The following CCDC141 variants were observed in gnomAD, a reference collection of about 807,000 sequenced individuals.
The protein encoded by CCDC141 is coiled-coil domain containing 141, also known as coiled-coil domain-containing protein 141.
Under a neutral mutation model 181.0 loss-of-function variants are expected in CCDC141, and 168 were observed. That is an observed-to-expected ratio of 0.93 (90% CI 0.82 to 1.05). The LOEUF (loss-of-function observed/expected upper bound fraction) is 1.05. CCDC141 is among the 50% of genes least tolerant of loss of function. CCDC141 has a pLI of 0.00. For synonymous variants in CCDC141, 666 were observed against 642.3 expected (o/e 1.04, Z -0.56); for missense variants, 1,902 against 1,788.5 (o/e 1.06, Z -1.14).
chr2:179,028,898 C>A (rs969109931), intron 2 of CCDC141, among the ~76,000 whole-genome samples: 2 of 152,068 alleles, frequency 1.3e-5, no homozygotes, highest in South Asian at 4.1e-4. Flanking sequence ...TAAAGGCAAC[C>A]TTCGTAAAAC....
At chr2:178,987,484 A>C (rs1691810753) in intron 2 of CCDC141, among the ~76,000 whole-genome samples, 1 of 152,170 alleles carries the variant, frequency 6.6e-6, no homozygotes, top group African/African-American at 2.4e-5. Flanking sequence ...TCATTAAACT[A>C]AAGAGCTTCT....
At chr2:178,963,022 G>A (rs1457736149) in intron 4 of CCDC141, among the ~76,000 whole-genome samples, 1 of 152,144 alleles carries the variant, frequency 6.6e-6, no homozygotes, top group East Asian at 1.9e-4. Context: ...TTGCCACTAG[G>A]CTCCACTGCA....
At position 178,871,546 on chromosome 2, in the gene CCDC141, G is replaced by C; in HGVS notation, c.2086C>G (p.His696Asp). ...AFKEQLKKTS[H>D]NLKLLQEALM... ...GCTTCCTGAAGAAGTTTTAAGTTGT[G>C]AGAAGTCTGAAATAAATATTGGACA... The change falls in exon 14 of 24, where the codon CAC (histidine) becomes GAC (aspartate). Residue 696 changes from histidine (H) to aspartate (D), a missense_variant. Coordinates refer to ENST00000443758, the MANE Select transcript of CCDC141 (RefSeq NM_173648.4). 6.2e-7 allele frequency: 1 copy of C among 1,611,434 alleles called. No homozygotes were observed. The highest frequency in any genetic ancestry group is 8.5e-7 in the Non-Finnish European group (1 of 1,179,292).
intron 2 of CCDC141, among the ~76,000 whole-genome samples, chr2:178,982,607 C>T (rs374502877): frequency 2.4e-4 from 37 of 151,744 alleles, no homozygotes; most frequent in Middle Eastern, 3.4e-3. Context: ...AGTGGGTGCA[C>T]GCACCATGTG....
chr2:178,948,963 G>A (rs1203967776), intron 5 of CCDC141, among the ~76,000 whole-genome samples: 1 of 152,164 alleles, frequency 6.6e-6, no homozygotes, highest in African/African-American at 2.4e-5. Context: ...CTAAGACATT[G>A]GCTACATTCA....
At chr2:178,974,959 T>C (rs777491032) in intron 4 of CCDC141, 98 bp downstream of exon 4, 1 of 539,686 alleles carries the variant, frequency 1.9e-6, no homozygotes, top group Non-Finnish European at 3.2e-6. Flanking sequence ...TAAACATAAA[T>C]AGATCAATTT....
chr2:179,011,148 A>T (rs994417146), intron 2 of CCDC141, among the ~76,000 whole-genome samples: 4 of 151,776 alleles, frequency 2.6e-5, no homozygotes, highest in Non-Finnish European at 5.9e-5. Flanking sequence ...ATAGGGTGAG[A>T]CTCTGTCTCA....
chr2:178,901,001 A>G (rs1575189763), intron 8 of CCDC141, among the ~76,000 whole-genome samples: 1 of 152,132 alleles, frequency 6.6e-6, no homozygotes, highest in East Asian at 1.9e-4. Flanking sequence ...AGGTGGAACT[A>G]AGCAGAGCCT....
In CCDC141 at chr2:179,015,596, A is replaced by G. The variant is rs867155422; in HGVS notation, c.225+31688T>C. On this transcript the variant is annotated intron_variant, in intron 2 of 23. Coordinates refer to ENST00000443758, the MANE Select transcript of CCDC141 (RefSeq NM_173648.4). ...TATATCTCATATATATCTCATATGTATCTCATATATCTCATATAGCTCATA... is the reference window on the plus strand; with the variant it reads ...TATATCTCATATATATCTCATATGTGTCTCATATATCTCATATAGCTCATA... Among the ~76,000 whole-genome samples, 93 of 58,902 alleles carry G rather than the reference A, an allele frequency of 1.6e-3. 3 individuals carry two copies. The highest frequency in any genetic ancestry group is 3.5e-3 in the African/African-American group (86 of 24,528). 38.6% of individuals were successfully genotyped at this position (58,902 alleles called of 152,430 possible).
chr2:178,931,501 G>A (rs1689093498), intron 6 of CCDC141, among the ~76,000 whole-genome samples: 1 of 152,142 alleles, frequency 6.6e-6, no homozygotes, highest in African/African-American at 2.4e-5. Flanking sequence ...TAAAAAGGAA[G>A]TTTTAATACA....
At chr2:178,900,122 A>G (rs1434228381) in intron 8 of CCDC141, among the ~76,000 whole-genome samples, 1 of 152,190 alleles carries the variant, frequency 6.6e-6, no homozygotes, top group Non-Finnish European at 1.5e-5. Context: ...TAATATCTCG[A>G]GGAAACCAAA....
At chr2:179,007,075 AT>A (rs2042140829) in intron 2 of CCDC141, among the ~76,000 whole-genome samples, 1 of 152,188 alleles carries the variant, frequency 6.6e-6, no homozygotes, top group Non-Finnish European at 1.5e-5. Flanking sequence ...TGAAAACATG[AT>A]TGATTCAAGG....
chr2:178,933,361 T>C (rs536688227), intron 6 of CCDC141, among the ~76,000 whole-genome samples: 1 of 152,314 alleles, frequency 6.6e-6, no homozygotes, highest in Admixed American at 6.5e-5. Flanking sequence ...TCTAAGTTGG[T>C]GCCTCTTAAA....
chr2:178,841,398 C>T (rs1169535965), intron 22 of CCDC141, among the ~76,000 whole-genome samples: 1 of 152,154 alleles, frequency 6.6e-6, no homozygotes, highest in Non-Finnish European at 1.5e-5. Context: ...ATTAAATAAT[C>T]ATCTCGGGAA....
At chr2:179,027,464 G>A (rs2154386440) in intron 2 of CCDC141, among the ~76,000 whole-genome samples, 1 of 151,826 alleles carries the variant, frequency 6.6e-6, no homozygotes, top group South Asian at 2.1e-4. Context: ...CTAACACGGT[G>A]AAACCCTGTC....
intron 3 of CCDC141, among the ~76,000 whole-genome samples, chr2:178,978,198 A>C (rs941969903): frequency 6.6e-6 from 1 of 152,216 alleles, no homozygotes; most frequent in African/African-American, 2.4e-5. Context: ...CCTTCTATAG[A>C]GGGAAATAAT....
chr2:178,992,340 C>CTTT (rs34507992), intron 2 of CCDC141, among the ~76,000 whole-genome samples: 143 of 118,590 alleles, frequency 1.2e-3, no homozygotes, highest in African/African-American at 4.4e-3. Context: ...TAAAATAGAC[C>CTTT]TTTTTTTTTT....
intron 6 of CCDC141, among the ~76,000 whole-genome samples, chr2:178,935,165 T>A (rs1432596740): frequency 6.6e-6 from 1 of 152,138 alleles, no homozygotes; most frequent in Non-Finnish European, 1.5e-5. Context: ...AGTGAAGGTT[T>A]GTTACATAGG....
rs1436828277 is a variant in CCDC141 at position 178,834,325 on chromosome 2, C to T, written c.4441G>A (p.Ala1481Thr). The T allele has an allele frequency of 1.2e-5, 18 of 1,535,946 alleles. No homozygotes were observed. The highest frequency in any genetic ancestry group is 1.4e-5 in the Non-Finnish European group (16 of 1,146,848). The stretch of plus-strand genomic sequence containing the variant: ...GCGCCGCTAGAGTTTTGGGCCCGAG[C>T]CACATAGAGGCCTGCGTCTGCCTTG... ...VCKADAGLYV[A>T]RAQNSSGALS... The change falls in exon 24 of 24, where the codon GCT becomes ACT. Residue 1481 changes from alanine (A) to threonine (T), a missense_variant. Physicochemically the swap from Ala to Thr is moderately conservative, Grantham distance 58. Transcript: ENST00000443758.
Sources: gnomAD v4.1 joint callset for allele counts (sites outside exome capture counted in the v4.1 genomes callset) on GRCh38, gnomAD v4.1.1 for gene constraint, MANE v1.5 for transcripts, NCBI Gene and HGNC (gene_info 2026-07-23, HGNC 2026-07-21) for gene names.